HCN1: variants seen among roughly 807,000 people sequenced by gnomAD.
The protein encoded by HCN1 is potassium/sodium hyperpolarization-activated cyclic nucleotide-gated channel 1.
HCN1 carries 13 observed loss-of-function variants against 78.9 expected under a neutral mutation model. The observed-to-expected ratio is 0.16, with a 90% CI of 0.11 to 0.26. The LOEUF (loss-of-function observed/expected upper bound fraction) is 0.26, where lower values mean the gene tolerates loss of function less well. Ranked by LOEUF, HCN1 falls within the 10% of genes least tolerant of loss-of-function variation. HCN1 has a pLI of 1.00. For missense variants in HCN1, 810 were observed against 1,154.3 expected (o/e 0.70, Z 4.32); for synonymous variants, 552 against 455.5 (o/e 1.21, Z -2.70).
At chr5:45,321,703 G>A (rs918970854) in intron 5 of HCN1, among the ~76,000 whole-genome samples, 7 of 151,332 alleles carry the variant, frequency 4.6e-5, no homozygotes, top group South Asian at 4.1e-4. Flanking sequence ...ACACACATAC[G>A]TATTTTTATG....
At chr5:45,480,610 A>AT (rs1208417170) in intron 2 of HCN1, among the ~76,000 whole-genome samples, 1 of 152,186 alleles carries the variant, frequency 6.6e-6, no homozygotes, top group Non-Finnish European at 1.5e-5. Context: ...ATCTTAACTC[A>AT]TGAACAATGA....
chr5:45,645,008 T>G (rs1745521934), intron 2 of HCN1, 177 bp downstream of exon 2: 1 of 560,440 alleles, frequency 1.8e-6, no homozygotes, highest in South Asian at 2.6e-5. Context: ...ATCCATTATT[T>G]GATCATATAT....
At chr5:45,275,467 G>T (rs1745038212) in intron 6 of HCN1, among the ~76,000 whole-genome samples, 1 of 152,064 alleles carries the variant, frequency 6.6e-6, no homozygotes, top group Admixed American at 6.6e-5. Context: ...ATGATTGTTT[G>T]ATTTTGTTGT....
intron 2 of HCN1, among the ~76,000 whole-genome samples, chr5:45,641,068 A>G (rs1745446679): frequency 6.6e-6 from 1 of 152,160 alleles, no homozygotes; most frequent in Non-Finnish European, 1.5e-5. Flanking sequence ...ATTTGATGTG[A>G]TAAGCAATAG....
At chr5:45,516,977 C>A (rs142941121) in intron 2 of HCN1, among the ~76,000 whole-genome samples, 3 of 152,030 alleles carry the variant, frequency 2.0e-5, no homozygotes, top group African/African-American at 7.2e-5. Flanking sequence ...CAGAAGTCTG[C>A]AGACTCTAGA....
intron 2 of HCN1, among the ~76,000 whole-genome samples, chr5:45,615,080 A>G (rs979872562): frequency 2.0e-5 from 3 of 152,088 alleles, no homozygotes; most frequent in Admixed American, 1.3e-4. Flanking sequence ...AACAAAACAA[A>G]ACAAAACAAA....
At chr5:45,540,932 G>A (rs1743090939) in intron 2 of HCN1, among the ~76,000 whole-genome samples, 1 of 152,122 alleles carries the variant, frequency 6.6e-6, no homozygotes, top group South Asian at 2.1e-4. Context: ...AACATGAGGT[G>A]AGAGTATGTA....
At chr5:45,540,756 T>C (rs1042913837) in intron 2 of HCN1, among the ~76,000 whole-genome samples, 2 of 152,186 alleles carry the variant, frequency 1.3e-5, no homozygotes, top group Non-Finnish European at 2.9e-5. Flanking sequence ...TACTTTTTTC[T>C]AATTGAGCTG....
Position 45,594,139 on chromosome 5 carries a change from T to TC in HCN1, c.849+51045dup, listed in dbSNP as rs1218287085. 2.0e-5 allele frequency among the ~76,000 whole-genome samples: 3 copies of TC among 152,184 alleles called. No homozygotes were observed. The East Asian group carries it at 5.8e-4, about 29-fold the overall frequency. On this transcript the variant is annotated intron_variant, in intron 2 of 7. Coordinates refer to ENST00000303230, the MANE Select transcript of HCN1 (RefSeq NM_021072.4). ...CTTAGCGGAATGAAAGTTTCATGTCTCCCCAAGTGCCTCAGCCTCTCAGGG... is the reference window on the plus strand; with the variant it reads ...CTTAGCGGAATGAAAGTTTCATGTCTCCCCCAAGTGCCTCAGCCTCTCAGGG...
chr5:45,489,734 C>T (rs1001095208), intron 2 of HCN1, among the ~76,000 whole-genome samples: 1 of 152,104 alleles, frequency 6.6e-6, no homozygotes, highest in Non-Finnish European at 1.5e-5. Flanking sequence ...AAGTGTTCTC[C>T]AAGATGTGGT....
At chr5:45,453,943 A>C (rs753032353) in intron 3 of HCN1, among the ~76,000 whole-genome samples, 3 of 152,100 alleles carry the variant, frequency 2.0e-5, no homozygotes, top group Admixed American at 6.6e-5. Context: ...TTGTTAGATA[A>C]GGTAATTTCA....
In HCN1 at chr5:45,303,930, A is replaced by G. The variant is rs561096860; in HGVS notation, c.1378-91T>C. The G allele has an allele frequency of 3.6e-6, 4 of 1,105,922 alleles. No homozygotes were observed. In the South Asian group the frequency reaches 5.2e-5, roughly 14 times the overall value. The allele number at this position is 1,105,922 out of a possible 1,614,324, so 68.5% of individuals were successfully genotyped here. On this transcript the variant is annotated intron_variant, in intron 5 of 7. Coordinates refer to ENST00000303230, the MANE Select transcript of HCN1 (RefSeq NM_021072.4). ...TGAAATTTAAAATATATACAGCATA[A>G]CATTGTAATTTAAATTTAGATACAA...
intron 1 of HCN1, among the ~76,000 whole-genome samples, chr5:45,679,887 CT>C (rs1357070842): frequency 6.6e-6 from 1 of 151,998 alleles, no homozygotes; most frequent in African/African-American, 2.4e-5. Context: ...ATTACTATCT[CT>C]TGCTGTTTGC....
intron 2 of HCN1, among the ~76,000 whole-genome samples, chr5:45,561,367 A>G (rs1404309211): frequency 1.3e-5 from 2 of 152,052 alleles, no homozygotes; most frequent in African/African-American, 4.8e-5. Context: ...TCTTAAACAA[A>G]TGCAATCAAT....
intron 2 of HCN1, among the ~76,000 whole-genome samples, chr5:45,475,932 A>G (rs1465777196): frequency 6.6e-6 from 1 of 152,192 alleles, no homozygotes; most frequent in Non-Finnish European, 1.5e-5. Context: ...AGACACAGAT[A>G]TATCCAAGAG....
chr5:45,546,844 A>T (rs1743240606), intron 2 of HCN1, among the ~76,000 whole-genome samples: 1 of 151,894 alleles, frequency 6.6e-6, no homozygotes, highest in African/African-American at 2.4e-5. Flanking sequence ...ATTCTTCAGA[A>T]ACAAGTTGTT....
At chr5:45,692,760 T>C (rs1006510731) in intron 1 of HCN1, among the ~76,000 whole-genome samples, 7 of 152,104 alleles carry the variant, frequency 4.6e-5, no homozygotes, top group Non-Finnish European at 1.0e-4. Flanking sequence ...CACAGCCTTG[T>C]CCCTTGAGGT....
intron 6 of HCN1, among the ~76,000 whole-genome samples, chr5:45,296,050 C>A (rs1745486001): frequency 1.3e-5 from 2 of 151,928 alleles, no homozygotes; most frequent in Admixed American, 1.3e-4. Context: ...GCTTCTGGTA[C>A]CCTTGAGGTC....
intron 1 of HCN1, among the ~76,000 whole-genome samples, chr5:45,673,492 T>A (rs1400139144): frequency 6.6e-6 from 1 of 151,574 alleles, no homozygotes; most frequent in Non-Finnish European, 1.5e-5. Context: ...TATGATCTCA[T>A]GGATACTTAC....
Sources: allele counts gnomAD v4.1 joint callset (sites outside exome capture counted in the v4.1 genomes callset), GRCh38; gene constraint gnomAD v4.1.1; transcripts MANE v1.5; gene names NCBI Gene and HGNC (gene_info 2026-07-23, HGNC 2026-07-21).